Variants in SUCLG2 observed in about 807,000 individuals in gnomAD.
The protein encoded by SUCLG2 is succinate--CoA ligase [GDP-forming] subunit beta, mitochondrial.
SUCLG2 carries 42 observed loss-of-function variants against 47.9 expected under a neutral mutation model. That is an observed-to-expected ratio of 0.88 (90% CI 0.69 to 1.14). The LOEUF (loss-of-function observed/expected upper bound fraction) is 1.14, where lower values mean the gene tolerates loss of function less well. SUCLG2 is among the 50% of genes most tolerant of loss of function. SUCLG2 has a pLI of 0.00. For missense variants in SUCLG2, 571 were observed against 525.9 expected, an observed-to-expected ratio of 1.09 and a Z score of -0.84; for synonymous variants, 195 against 197.3, an observed-to-expected ratio of 0.99 and a Z score of 0.10.
chr3:67,609,082 G>A (rs1179445867), intron 2 of SUCLG2, among the ~76,000 whole-genome samples: 1 of 152,318 alleles, frequency 6.6e-6, no homozygotes, highest in Non-Finnish European at 1.5e-5. Context: ...GGGTCAGGCA[G>A]GGCCCAGTCT....
At chr3:67,614,872 T>A (rs983187933) in intron 1 of SUCLG2, among the ~76,000 whole-genome samples, 1 of 152,134 alleles carries the variant, frequency 6.6e-6, no homozygotes, top group Non-Finnish European at 1.5e-5. Context: ...AATTCCCAGC[T>A]TTTTTCCTTC....
chr3:67,472,363 G>C (rs1284371289), intron 9 of SUCLG2, among the ~76,000 whole-genome samples: 1 of 152,202 alleles, frequency 6.6e-6, no homozygotes, highest in Non-Finnish European at 1.5e-5. Context: ...AAAGTGTCAT[G>C]TGTTAGATCT....
At chr3:67,595,087 A>G (rs6810139) in intron 2 of SUCLG2, among the ~76,000 whole-genome samples, 4,072 of 152,300 alleles carry the variant, frequency 0.027, 82 homozygotes, top group Middle Eastern at 0.061. Context: ...TGACAGGAGT[A>G]AAAACGGAAG....
chr3:67,522,254 AG>A (rs1280099986), intron 4 of SUCLG2, among the ~76,000 whole-genome samples: 2 of 151,952 alleles, frequency 1.3e-5, no homozygotes, highest in African/African-American at 4.8e-5. Flanking sequence ...TATGTTGCCC[AG>A]GCTGATCTCA....
intron 9 of SUCLG2, among the ~76,000 whole-genome samples, chr3:67,485,172 C>T (rs73104375): frequency 0.021 from 3,222 of 152,196 alleles, 43 homozygotes; most frequent in African/African-American, 0.035. Context: ...AATGACTTGC[C>T]GTTAATTCTG....
At position 67,402,453 on chromosome 3, in the gene SUCLG2, T is replaced by C. The variant is rs374625603; in HGVS notation, c.1063-1602A>G. 8.3e-4 allele frequency among the ~76,000 whole-genome samples: 126 copies of C among 152,350 alleles called. 3 individuals are homozygous for C. In the South Asian group the frequency reaches 0.025, roughly 31 times the overall value. The stretch of plus-strand genomic sequence containing the variant: ...AATATTTTTCAAACCAATTAGAGAT[T>C]GGGGCTACTCCCAGAAAAGAAATCT... On this transcript the variant is annotated intron_variant, in intron 9 of 10. Coordinates refer to ENST00000307227, the MANE Select transcript of SUCLG2 (RefSeq NM_003848.4).
intron 9 of SUCLG2, among the ~76,000 whole-genome samples, chr3:67,474,465 C>T (rs73104356): frequency 0.013 from 2,024 of 152,256 alleles, 23 homozygotes; most frequent in Non-Finnish European, 0.02. Context: ...AGAGATGAGA[C>T]AAGACGTGAT....
chr3:67,489,996 TA>T (rs1705165672), intron 9 of SUCLG2, among the ~76,000 whole-genome samples: 1 of 152,220 alleles, frequency 6.6e-6, no homozygotes, highest in South Asian at 2.1e-4. Context: ...GGCAACAGTA[TA>T]ACTGTAACCA....
chr3:67,378,944 T>C (rs756094785), intron 10 of SUCLG2, among the ~76,000 whole-genome samples: 7 of 151,914 alleles, frequency 4.6e-5, no homozygotes, highest in Non-Finnish European at 8.8e-5. Context: ...TAAATGACAG[T>C]TACACGTGTA....
intron 9 of SUCLG2, among the ~76,000 whole-genome samples, chr3:67,478,429 G>A (rs1212761689): frequency 6.6e-6 from 1 of 152,228 alleles, no homozygotes; most frequent in Admixed American, 6.5e-5. Context: ...TCATTGAAGT[G>A]CAAGCTCTCA....
chr3:67,386,318 C>T (rs930631079), intron 10 of SUCLG2, among the ~76,000 whole-genome samples: 14 of 151,094 alleles, frequency 9.3e-5, no homozygotes, highest in Non-Finnish European at 1.9e-4. Flanking sequence ...AGGATGGTCT[C>T]GATCTCCGAC....
chr3:67,385,621 T>A (rs1002037536), intron 10 of SUCLG2, among the ~76,000 whole-genome samples: 1 of 152,200 alleles, frequency 6.6e-6, no homozygotes, highest in Admixed American at 6.5e-5. Context: ...CACCCTGGGA[T>A]GGAAGGTACA....
intron 9 of SUCLG2, among the ~76,000 whole-genome samples, chr3:67,494,636 T>A (rs1403976918): frequency 5.3e-5 from 8 of 151,934 alleles, no homozygotes; most frequent in African/African-American, 9.7e-5. Context: ...TAAAAAAAAA[T>A]AATCAAAAAA....
At chr3:67,571,538 C>T (rs1332620270) in intron 2 of SUCLG2, among the ~76,000 whole-genome samples, 1 of 152,084 alleles carries the variant, frequency 6.6e-6, no homozygotes, top group African/African-American at 2.4e-5. Flanking sequence ...AACCCTTGGC[C>T]CTCAACTATC....
At chr3:67,389,367 A>G (rs1347044801) in intron 10 of SUCLG2, among the ~76,000 whole-genome samples, 1 of 152,198 alleles carries the variant, frequency 6.6e-6, no homozygotes, top group Non-Finnish European at 1.5e-5. Context: ...ACAGGGGGCC[A>G]TCCAAGGAGA....
intron 4 of SUCLG2, among the ~76,000 whole-genome samples, chr3:67,526,330 G>A (rs778709862): frequency 2.6e-5 from 4 of 152,146 alleles, no homozygotes; most frequent in South Asian, 4.1e-4. Context: ...GTTTAGAAAG[G>A]TTACAAATTT....
rs896844763 is a variant in SUCLG2 at position 67,404,062 on chromosome 3, T to C, written c.1063-3211A>G. 3.3e-5 allele frequency among the ~76,000 whole-genome samples: 5 copies of C among 152,102 alleles called. No individual in the cohort carries two copies. The South Asian group carries it at 8.3e-4, about 25-fold the overall frequency. On this transcript the variant is annotated intron_variant, in intron 9 of 10. Coordinates refer to ENST00000307227, the MANE Select transcript of SUCLG2 (RefSeq NM_003848.4). Reference sequence around the variant, plus strand: ...CACCACACCTGACTAGTTTTTGCAGTATTAGTAGAGAGGCGATTTTGCCAT... The same window carrying C: ...CACCACACCTGACTAGTTTTTGCAGCATTAGTAGAGAGGCGATTTTGCCAT...
chr3:67,594,654 T>C (rs1575803729), intron 2 of SUCLG2, among the ~76,000 whole-genome samples: 1 of 152,340 alleles, frequency 6.6e-6, no homozygotes, highest in East Asian at 1.9e-4. Flanking sequence ...AGCTCAAATA[T>C]TCAAACTATT....
chr3:67,416,010 GA>G (rs1703032623), intron 9 of SUCLG2, among the ~76,000 whole-genome samples: 1 of 152,178 alleles, frequency 6.6e-6, no homozygotes, highest in African/African-American at 2.4e-5. Flanking sequence ...ATCCAGCAAG[GA>G]ACCAAGGCCT....
Sources: allele counts gnomAD v4.1 joint callset (sites outside exome capture counted in the v4.1 genomes callset), GRCh38; gene constraint gnomAD v4.1.1; transcripts MANE v1.5; gene names NCBI Gene and HGNC (gene_info 2026-07-23, HGNC 2026-07-21).